COTL1: variants seen among roughly 807,000 people sequenced by gnomAD.
The protein encoded by COTL1 is coactosin-like protein.
COTL1 carries 15 observed loss-of-function variants against 16.5 expected under a neutral mutation model. The ratio of observed to expected loss-of-function variants is 0.91; its 90% CI spans 0.61 to 1.40. COTL1 has a LOEUF of 1.40. Among genes scored for constraint, COTL1 ranks in the 40% most tolerant of loss-of-function variants. The probability of loss-of-function intolerance (pLI) is 0.00; values close to 1 mark genes in which losing one functional copy is unlikely to be tolerated. For synonymous variants in COTL1, 112 were observed against 85.3 expected (o/e 1.31, Z -1.73); for missense variants, 220 against 201.5 (o/e 1.09, Z -0.56).
intron 3 of COTL1, among the ~76,000 whole-genome samples, chr16:84,585,693 G>GCC (rs1435491113): frequency 6.6e-6 from 1 of 152,142 alleles, no homozygotes; most frequent in South Asian, 2.1e-4. Context: ...GCCAGTCTCT[G>GCC]CATGGTTTTA....
intron 3 of COTL1, among the ~76,000 whole-genome samples, chr16:84,587,002 C>T (rs1464591536): frequency 6.6e-6 from 1 of 152,150 alleles, no homozygotes; most frequent in Non-Finnish European, 1.5e-5. Context: ...CCCTTTCCTC[C>T]CGGCGACGTC....
At chr16:84,571,677 C>T (rs1337455704) in intron 3 of COTL1, among the ~76,000 whole-genome samples, 3 of 152,212 alleles carry the variant, frequency 2.0e-5, no homozygotes, top group Non-Finnish European at 2.9e-5. Context: ...ATCGGCTCCC[C>T]GCTGTCACCT....
In COTL1 at chr16:84,565,644, C is replaced by T. The variant is rs764097721; in HGVS notation, c.*1201G>A. 6 of 152,456 alleles carry T rather than the reference C, an allele frequency of 3.9e-5. No individual in the cohort carries two copies. The highest frequency in any genetic ancestry group is 2.6e-4 in the Admixed American group (4 of 15,272). 9.4% of individuals were successfully genotyped at this position (152,456 alleles called of 1,614,324 possible). On this transcript the variant is annotated 3_prime_UTR_variant, in exon 4 of 4. Coordinates refer to ENST00000262428, the MANE Select transcript of COTL1 (RefSeq NM_021149.5). ...TTTATTTCTGTAAACTGTCTGAGTG[C>T]AGAGATGTTCTTTACAATCCCAATA...
intron 3 of COTL1, among the ~76,000 whole-genome samples, chr16:84,574,794 G>A (rs1904414975): frequency 6.6e-6 from 1 of 152,000 alleles, no homozygotes; most frequent in Admixed American, 6.5e-5. Context: ...ATGTTGGCCA[G>A]GCTGGTCATG....
chr16:84,572,153 C>T (rs578094845), intron 3 of COTL1, among the ~76,000 whole-genome samples: 3 of 152,356 alleles, frequency 2.0e-5, no homozygotes, highest in Admixed American at 6.5e-5. Context: ...GTTTTCAAAA[C>T]GAGGCAGAAG....
In COTL1 at chr16:84,617,889, G is replaced by T. The variant is rs1343282916; in HGVS notation, c.26C>A (p.Ala9Asp). 1 of 1,567,952 alleles carries T rather than the reference G, an allele frequency of 6.4e-7. No homozygotes were observed. The highest frequency in any genetic ancestry group is 8.6e-7 in the Non-Finnish European group (1 of 1,157,432). MATKIDKE[A>D]CRAAYNLVRD... is the part of the protein sequence containing the mutation. ...CACCAGGTTGTACGCCGCCCGGCAA[G>T]CCTCTTTGTCGATCTTGGTGGCCAT... Residue 9 changes from alanine to aspartate, a missense_variant, in exon 1 of 4, where the codon GCT becomes GAT. Ala to Asp is a moderately radical substitution (Grantham distance 126, BLOSUM62 -2). Transcript: ENST00000262428.
At chr16:84,608,914 AT>A (rs1905264947) in intron 2 of COTL1, among the ~76,000 whole-genome samples, 1 of 152,196 alleles carries the variant, frequency 6.6e-6, no homozygotes, top group Non-Finnish European at 1.5e-5. Flanking sequence ...CAAAAATTAA[AT>A]TAAATTAAAA....
intron 2 of COTL1, among the ~76,000 whole-genome samples, chr16:84,608,023 T>C (rs1045217529): frequency 6.6e-6 from 1 of 152,160 alleles, no homozygotes; most frequent in Non-Finnish European, 1.5e-5. Flanking sequence ...AGGGGGACTA[T>C]CTTTTCAGGA....
intron 3 of COTL1, among the ~76,000 whole-genome samples, chr16:84,578,179 T>G (rs945221674): frequency 2.0e-5 from 3 of 152,162 alleles, no homozygotes; most frequent in African/African-American, 7.2e-5. Context: ...AAGCTAGAGA[T>G]TAAATCCAGG....
At chr16:84,584,151 G>T (rs906699057) in intron 3 of COTL1, among the ~76,000 whole-genome samples, 18 of 152,222 alleles carry the variant, frequency 1.2e-4, no homozygotes, top group African/African-American at 4.3e-4. Context: ...GGGTACTTCT[G>T]TGTGGCAGAC....
intron 3 of COTL1, chr16:84,576,881 T>A (rs931581108): frequency 2.6e-5 from 4 of 152,206 alleles, no homozygotes; most frequent in African/African-American, 9.7e-5. Flanking sequence ...GAATCTCCCC[T>A]CCCGCAGGCA....
intron 3 of COTL1, among the ~76,000 whole-genome samples, chr16:84,570,865 C>T (rs1039675491): frequency 6.6e-6 from 1 of 152,054 alleles, no homozygotes; most frequent in African/African-American, 2.4e-5. Flanking sequence ...TGGCTCATAC[C>T]TAAAAGTCCT....
At chr16:84,577,151 T>G (rs1904471152) in intron 3 of COTL1, 1 of 152,168 alleles carries the variant, frequency 6.6e-6, no homozygotes, top group African/African-American at 2.4e-5. Flanking sequence ...CCACAACTAT[T>G]CAAAGTGCTT....
At chr16:84,581,242 G>A (rs2875909) in intron 3 of COTL1, among the ~76,000 whole-genome samples, 1 of 151,626 alleles carries the variant, frequency 6.6e-6, no homozygotes, top group African/African-American at 2.4e-5. Flanking sequence ...CAGGTGAAAT[G>A]CATCAGGCCA....
intron 3 of COTL1, among the ~76,000 whole-genome samples, chr16:84,578,231 A>G (rs1243316502): frequency 6.6e-6 from 1 of 152,212 alleles, no homozygotes; most frequent in Non-Finnish European, 1.5e-5. Flanking sequence ...TGTGCCCAGC[A>G]TTTCTTATTC....
intron 3 of COTL1, among the ~76,000 whole-genome samples, chr16:84,577,831 C>T (rs781272993): frequency 2.6e-5 from 4 of 152,134 alleles, no homozygotes; most frequent in Non-Finnish European, 4.4e-5. Context: ...AGTGTTTTGG[C>T]CAAAACCAAA....
intron 2 of COTL1, chr16:84,594,957 C>T (rs905027510): frequency 1.8e-4 from 28 of 152,804 alleles, no homozygotes; most frequent in Non-Finnish European, 2.2e-4. Flanking sequence ...CCATGCTCTG[C>T]GCACCTCCAA....
intron 2 of COTL1, among the ~76,000 whole-genome samples, chr16:84,615,693 G>C (rs1905457595): frequency 6.6e-6 from 1 of 152,200 alleles, no homozygotes. Flanking sequence ...ACTTGCAAAA[G>C]CATTCAACTA....
chr16:84,588,198 T>C (rs906940962), intron 3 of COTL1, among the ~76,000 whole-genome samples: 2 of 151,842 alleles, frequency 1.3e-5, no homozygotes, highest in African/African-American at 4.8e-5. Context: ...CTGGGCAATA[T>C]AGTGAGATCC....
Sources: allele counts gnomAD v4.1 joint callset (sites outside exome capture counted in the v4.1 genomes callset), GRCh38; gene constraint gnomAD v4.1.1; transcripts MANE v1.5; gene names NCBI Gene and HGNC (gene_info 2026-07-23, HGNC 2026-07-21).